REEP1: variants seen among roughly 807,000 people sequenced by gnomAD.
The protein encoded by REEP1 is receptor accessory protein 1.
In REEP1, 22 loss-of-function variants were observed where a neutral mutation model predicts 40.3. The ratio of observed to expected loss-of-function variants is 0.55; its 90% CI spans 0.39 to 0.78. The LOEUF is 0.78. REEP1 is among the 30% of genes least tolerant of loss of function. The pLI is 0.00. For missense variants in REEP1, 280 were observed against 361.1 expected (o/e 0.78, Z 1.82); for synonymous variants, 116 against 139.2 (o/e 0.83, Z 1.17).
chr2:86,257,950 G>GAGTGT (rs1312164447), intron 3 of REEP1, among the ~76,000 whole-genome samples: 2 of 152,160 alleles, frequency 1.3e-5, no homozygotes, highest in Non-Finnish European at 2.9e-5. Flanking sequence ...GGCTGCATAC[G>GAGTGT]AGTGTATGAG....
chr2:86,295,911 T>C (rs540274104), intron 1 of REEP1, among the ~76,000 whole-genome samples: 4 of 152,374 alleles, frequency 2.6e-5, no homozygotes, highest in South Asian at 4.1e-4. Context: ...CTTTAACAAC[T>C]GTGCCATTTG....
chr2:86,294,999 G>T (rs1318908311), intron 1 of REEP1, among the ~76,000 whole-genome samples: 1 of 151,918 alleles, frequency 6.6e-6, no homozygotes, highest in Admixed American at 6.6e-5. Flanking sequence ...TTTGGCTCAG[G>T]TCCAGCATGG....
chr2:86,228,693 G>C (rs987896344), intron 6 of REEP1, among the ~76,000 whole-genome samples: 1 of 152,068 alleles, frequency 6.6e-6, no homozygotes, highest in Non-Finnish European at 1.5e-5. Context: ...CTCTACCTCA[G>C]GTGATCCACC....
chr2:86,247,506 C>T (rs1196128485), intron 5 of REEP1, among the ~76,000 whole-genome samples: 1 of 152,038 alleles, frequency 6.6e-6, no homozygotes, highest in Non-Finnish European at 1.5e-5. Context: ...CAAGGTCAGC[C>T]TAAGCAACAT....
chr2:86,230,174 A>C (rs542252914), intron 6 of REEP1, among the ~76,000 whole-genome samples: 1 of 152,338 alleles, frequency 6.6e-6, no homozygotes, highest in African/African-American at 2.4e-5. Flanking sequence ...GCTCATGGAG[A>C]GTGGCAGAGC....
chr2:86,272,305 T>A (rs758750853), intron 2 of REEP1, among the ~76,000 whole-genome samples: 8 of 152,244 alleles, frequency 5.3e-5, no homozygotes, highest in Admixed American at 3.9e-4. Context: ...TTGCAAGATC[T>A]ACTTTCTCAT....
intron 1 of REEP1, among the ~76,000 whole-genome samples, chr2:86,288,768 T>C (rs2104419610): frequency 6.8e-6 from 1 of 146,630 alleles, no homozygotes; most frequent in South Asian, 2.3e-4. Flanking sequence ...TTGCCAAACT[T>C]ATATAGTCAG....
Position 86,261,240 on chromosome 2 carries a change from C to T in REEP1, c.182+2725G>A, listed in dbSNP as rs1457534661. Among the ~76,000 whole-genome samples the T allele has an allele frequency of 2.0e-5, 3 of 151,140 alleles. No homozygotes were observed. The South Asian group carries it at 6.2e-4, about 31-fold the overall frequency. ...GCAGGAGGTGCTATTTAATTGACTA[C>T]ACAGTCTTGACTGGGCCGGCCTCTA... On this transcript the variant is annotated intron_variant, in intron 3 of 8. Transcript: ENST00000538924.
intron 1 of REEP1, among the ~76,000 whole-genome samples, chr2:86,284,650 G>A (rs1370584166): frequency 6.6e-6 from 1 of 152,220 alleles, no homozygotes; most frequent in East Asian, 1.9e-4. Flanking sequence ...CTGCCAGGAT[G>A]GTTTCCAGCC....
intron 1 of REEP1, among the ~76,000 whole-genome samples, chr2:86,314,492 C>G (rs1679902844): frequency 1.3e-5 from 2 of 151,776 alleles, no homozygotes; most frequent in Non-Finnish European, 2.9e-5. Flanking sequence ...GGTGAGCCAG[C>G]TAGGACAGGA....
intron 2 of REEP1, among the ~76,000 whole-genome samples, chr2:86,272,073 A>C (rs971863800): frequency 7.2e-5 from 11 of 152,244 alleles, no homozygotes; most frequent in African/African-American, 2.6e-4. Context: ...AAATACAAAA[A>C]ATAGCCAGGT....
intron 1 of REEP1, among the ~76,000 whole-genome samples, chr2:86,306,491 C>G (rs183074656): frequency 2.0e-5 from 3 of 152,242 alleles, no homozygotes; most frequent in Admixed American, 2.0e-4. Context: ...CTAGTCTTTA[C>G]TCATCCATCA....
chr2:86,281,449 G>A (rs746870970), intron 2 of REEP1, among the ~76,000 whole-genome samples: 4 of 152,102 alleles, frequency 2.6e-5, no homozygotes, highest in African/African-American at 4.8e-5. Context: ...CCAACATGAC[G>A]AAACCCTGTC....
intron 1 of REEP1, chr2:86,297,668 C>T (rs1235839383): frequency 1.0e-6 from 1 of 983,632 alleles, no homozygotes. Flanking sequence ...AGAACACTTA[C>T]TTTTCCAAGG....
intron 3 of REEP1, among the ~76,000 whole-genome samples, chr2:86,261,691 C>T (rs1286021891): frequency 6.6e-6 from 1 of 152,196 alleles, no homozygotes; most frequent in Non-Finnish European, 1.5e-5. Flanking sequence ...AAGGGAAAGA[C>T]CTGACCGTCC....
intron 5 of REEP1, among the ~76,000 whole-genome samples, chr2:86,240,837 G>A (rs1433004955): frequency 2.0e-5 from 3 of 152,200 alleles, no homozygotes; most frequent in Non-Finnish European, 2.9e-5. Context: ...CAGGCACGTG[G>A]TTATCTGGAA....
chr2:86,337,306 C>T lies in REEP1; in HGVS notation c.32+173G>A. On this transcript the variant is annotated intron_variant, in intron 1 of 8. Transcript: ENST00000538924. The surrounding 1 kb of genome is among the most constrained non-coding windows in gnomAD (Gnocchi z 5.8). ...CCTCCTGGGCAGCAGCCGCGTCCTG[C>T]GCCGCCCGTCCGCCCGCAGGCGTCC... 1 of 352,336 alleles carries T rather than the reference C, an allele frequency of 2.8e-6. No homozygotes were observed. The highest frequency in any genetic ancestry group is 4.7e-6 in the Non-Finnish European group (1 of 211,312). The allele number at this position is 352,336 out of a possible 1,614,324, so 21.8% of individuals were successfully genotyped here.
chr2:86,266,658 AT>A (rs1450094735), intron 2 of REEP1, among the ~76,000 whole-genome samples: 8 of 147,862 alleles, frequency 5.4e-5, no homozygotes, highest in Non-Finnish European at 1.0e-4. Context: ...AATAAAAAAA[AT>A]AAAATAAATA....
At chr2:86,266,750 G>A (rs1490860385) in intron 2 of REEP1, among the ~76,000 whole-genome samples, 1 of 151,600 alleles carries the variant, frequency 6.6e-6, no homozygotes, top group African/African-American at 2.4e-5. Flanking sequence ...GCTCACGCCT[G>A]TAATCCCAGC....
Sources: allele counts gnomAD v4.1 joint callset (sites outside exome capture counted in the v4.1 genomes callset), GRCh38; gene constraint gnomAD v4.1.1; non-coding constraint Gnocchi (gnomAD v3.1); transcripts MANE v1.5; gene names NCBI Gene and HGNC (gene_info 2026-07-23, HGNC 2026-07-21).